Variants in ZNF331 observed in about 807,000 individuals in gnomAD.
The protein encoded by ZNF331 is zinc finger protein 331, also known as C2H2-like zinc finger protein rearranged in thyroid adenomas.
In ZNF331, 2 loss-of-function variants were observed where a neutral mutation model predicts 7.0. The observed-to-expected ratio is 0.29, with a 90% CI of 0.12 to 0.90. The LOEUF is 0.90. ZNF331 is among the 40% of genes least tolerant of loss of function. The pLI is 0.58. For missense variants in ZNF331, 432 were observed against 587.7 expected, an observed-to-expected ratio of 0.74 and a Z score of 2.74; for synonymous variants, 196 against 205.4, an observed-to-expected ratio of 0.95 and a Z score of 0.39.
intron 5 of ZNF331, among the ~76,000 whole-genome samples, chr19:53,575,715 G>T (rs1459431859): frequency 6.7e-6 from 1 of 148,172 alleles, no homozygotes; most frequent in African/African-American, 2.5e-5. Context: ...ATGGAGTCTA[G>T]CTCTGTCACC....
exon 1 of ZNF331, chr19:53,522,013 TCTCC>T (rs1974187121): frequency 6.6e-6 from 1 of 152,102 alleles, no homozygotes; most frequent in Non-Finnish European, 1.5e-5. Context: ...CCAGAAGTGC[TCTCC>T]GTGCACACTA....
At chr19:53,536,700 G>A (rs543639500), upstream of ZNF331, among the ~76,000 whole-genome samples, 9 of 152,280 alleles carry the variant, frequency 5.9e-5, no homozygotes, top group Non-Finnish European at 1.2e-4. Context: ...GGGAGTTCGA[G>A]TCCAGCCTGA....
chr19:53,518,819 A>C (rs1209937171), upstream of ZNF331, among the ~76,000 whole-genome samples: 1 of 152,120 alleles, frequency 6.6e-6, no homozygotes, highest in Non-Finnish European at 1.5e-5. Flanking sequence ...TTGAGGCTTC[A>C]GCAGCAGATG....
At chr19:53,528,259 C>T (rs1227190120) in intron 2 of ZNF331, among the ~76,000 whole-genome samples, 1 of 152,188 alleles carries the variant, frequency 6.6e-6, no homozygotes, top group Non-Finnish European at 1.5e-5. Context: ...TAAATTCATG[C>T]TTAACATCAG....
chr19:53,574,941 T>TC (rs2090635856), intron 5 of ZNF331, among the ~76,000 whole-genome samples: 2 of 147,046 alleles, frequency 1.4e-5, no homozygotes, highest in African/African-American at 5.0e-5. Flanking sequence ...TCTTTTCTTT[T>TC]TTTTTTTTTT....
intron 2 of ZNF331, among the ~76,000 whole-genome samples, chr19:53,528,828 A>C (rs1461478566): frequency 6.6e-6 from 1 of 151,668 alleles, no homozygotes; most frequent in African/African-American, 2.4e-5. Context: ...TCTGTTGCCC[A>C]GGCTGGAGTG....
At chr19:53,512,896 T>C in the ZNF331 span, among the ~76,000 whole-genome samples, 1 of 149,732 alleles carries the variant, frequency 6.7e-6, no homozygotes, top group South Asian at 2.1e-4. Flanking sequence ...CCCCCGTCTG[T>C]GGAAAAACTG....
At chr19:53,504,755 T>G in the ZNF331 span, among the ~76,000 whole-genome samples, 3 of 152,216 alleles carry the variant, frequency 2.0e-5, no homozygotes, top group African/African-American at 7.2e-5. Context: ...AGGTTAAAAT[T>G]TAAAACCTTT....
intron 1 of ZNF331, chr19:53,538,783 G>A (rs2087918688): frequency 6.5e-6 from 1 of 152,720 alleles, no homozygotes; most frequent in South Asian, 2.1e-4. Flanking sequence ...CCTTCTGAGT[G>A]ATGCAGGTGT....
At chr19:53,557,110 G>A (rs764726133) in intron 3 of ZNF331, among the ~76,000 whole-genome samples, 8 of 149,418 alleles carry the variant, frequency 5.4e-5, no homozygotes, top group East Asian at 2.0e-4. Flanking sequence ...GGCGTGAGGC[G>A]CCACACCCAG....
At chr19:53,547,610 C>T (rs1365569222) in intron 2 of ZNF331, among the ~76,000 whole-genome samples, 1 of 152,194 alleles carries the variant, frequency 6.6e-6, no homozygotes, top group Non-Finnish European at 1.5e-5. Flanking sequence ...ACGGTGTTTT[C>T]CATCATGGCT....
chr19:53,505,285 T>C, the ZNF331 span, among the ~76,000 whole-genome samples: 1 of 145,356 alleles, frequency 6.9e-6, no homozygotes, highest in African/African-American at 2.5e-5. Flanking sequence ...TTTCATTTTG[T>C]TGTGTTTTTG....
the ZNF331 span, among the ~76,000 whole-genome samples, chr19:53,513,027 A>G: frequency 6.6e-6 from 1 of 151,842 alleles, no homozygotes; most frequent in Non-Finnish European, 1.5e-5. Flanking sequence ...CATGCTCCGG[A>G]GTCTCAGCAG....
intron 3 of ZNF331, among the ~76,000 whole-genome samples, chr19:53,568,243 C>CA (rs543201090): frequency 2.9e-3 from 269 of 92,586 alleles, no homozygotes; most frequent in Middle Eastern, 6.7e-3. Context: ...AGACTCCGTT[C>CA]AAAAAAAAAA....
At chr19:53,531,998 ATAAC>A (rs1181375354) in intron 2 of ZNF331, among the ~76,000 whole-genome samples, 6 of 152,108 alleles carry the variant, frequency 3.9e-5, no homozygotes, top group African/African-American at 1.2e-4. Flanking sequence ...TATTTGATAA[ATAAC>A]AAATTATGTG....
At chr19:53,561,535 C>T (rs1163703530) in intron 3 of ZNF331, among the ~76,000 whole-genome samples, 1 of 152,106 alleles carries the variant, frequency 6.6e-6, no homozygotes, top group African/African-American at 2.4e-5. Flanking sequence ...AATCATGTGA[C>T]TACTCCAGAG....
chr19:53,535,692 A>G (rs1395734010), upstream of ZNF331, among the ~76,000 whole-genome samples: 1 of 152,190 alleles, frequency 6.6e-6, no homozygotes, highest in Non-Finnish European at 1.5e-5. Context: ...CCTTACAAAT[A>G]TGGACTTTGG....
chr19:53,556,945 A>G (rs1458638788), intron 3 of ZNF331, among the ~76,000 whole-genome samples: 1 of 145,668 alleles, frequency 6.9e-6, no homozygotes, highest in Non-Finnish European at 1.5e-5. Flanking sequence ...AGCTGGGACT[A>G]CAGGTGTGAG....
intron 2 of ZNF331, among the ~76,000 whole-genome samples, chr19:53,544,330 G>C (rs982464816): frequency 2.3e-4 from 35 of 151,454 alleles, no homozygotes; most frequent in African/African-American, 7.5e-4. Flanking sequence ...CGGATCACGA[G>C]GTCAGGAGAT....
Sources: allele counts gnomAD v4.1 joint callset (sites outside exome capture counted in the v4.1 genomes callset), GRCh38; gene constraint gnomAD v4.1.1; transcripts MANE v1.5; gene names NCBI Gene and HGNC (gene_info 2026-07-23, HGNC 2026-07-21).